Variants in PLEKHM3 observed in about 807,000 individuals in gnomAD.
PLEKHM3 encodes pleckstrin homology domain-containing family M member 3.
In PLEKHM3, 45 loss-of-function variants were observed where a neutral mutation model predicts 81.8. The observed-to-expected ratio is 0.55, with a 90% CI of 0.43 to 0.71. PLEKHM3 has a LOEUF of 0.71. PLEKHM3 is among the 30% of genes least tolerant of loss of function. The pLI, the probability that PLEKHM3 is intolerant of heterozygous loss-of-function variation, is 0.00. For missense variants in PLEKHM3, 788 were observed against 924.3 expected, an observed-to-expected ratio of 0.85 and a Z score of 1.91; for synonymous variants, 352 against 356.4, an observed-to-expected ratio of 0.99 and a Z score of 0.14.
chr2:207,865,803 G>A (rs2718662), intron 6 of PLEKHM3, among the ~76,000 whole-genome samples: 10,782 of 29,018 alleles, frequency 0.37, 3,030 homozygotes, highest in Middle Eastern at 0.46. Flanking sequence ...AAAAAAAAAA[G>A]ATATATATAT....
intron 1 of PLEKHM3, among the ~76,000 whole-genome samples, chr2:208,011,474 T>C (rs1045174656): frequency 1.3e-5 from 2 of 152,148 alleles, no homozygotes; most frequent in African/African-American, 2.4e-5. Flanking sequence ...CTGGATGGGA[T>C]TGGAGACTAC....
At chr2:207,856,124 G>A (rs2105803620) in intron 7 of PLEKHM3, among the ~76,000 whole-genome samples, 1 of 152,162 alleles carries the variant, frequency 6.6e-6, no homozygotes, top group South Asian at 2.1e-4. Flanking sequence ...AGAGTCAACT[G>A]TTCAGTTGAA....
In PLEKHM3 at chr2:207,889,434, AACACACACACACACAC is replaced by A. The variant is rs35082335; in HGVS notation, c.1950+19064_1950+19079del. Among the ~76,000 whole-genome samples, 237 of 129,242 alleles carry A rather than the reference AACACACACACACACAC, an allele frequency of 1.8e-3. 2 individuals carry two copies. The highest frequency in any genetic ancestry group is 2.2e-3 in the Admixed American group (27 of 12,402). The allele number at this position is 129,242 out of a possible 152,430, so 84.8% of individuals were successfully genotyped here. A position where few individuals can be genotyped will look rare whatever the true frequency, so the allele number is the denominator to read the frequency against. ...TAAGAGCAGACAGGAGGTTTTTTTC[AACACACACACACACAC>A]ACACACACACACACACACACACACA... On this transcript the variant is annotated intron_variant, in intron 6 of 7. Coordinates refer to ENST00000427836, the MANE Select transcript of PLEKHM3 (RefSeq NM_001080475.3).
At chr2:207,955,797 A>T (rs61656249) in intron 3 of PLEKHM3, among the ~76,000 whole-genome samples, 1,708 of 152,358 alleles carry the variant, frequency 0.011, 34 homozygotes, top group African/African-American at 0.039. Context: ...ATCAATTTAC[A>T]TAAAAGAACA....
At chr2:208,011,941 T>C (rs978978493) in intron 1 of PLEKHM3, among the ~76,000 whole-genome samples, 1 of 151,870 alleles carries the variant, frequency 6.6e-6, no homozygotes, top group Non-Finnish European at 1.5e-5. Context: ...GGATTACAGG[T>C]GTCCGCCACC....
chr2:207,847,750 G>A (rs1262459481), intron 7 of PLEKHM3, among the ~76,000 whole-genome samples: 1 of 152,218 alleles, frequency 6.6e-6, no homozygotes, highest in African/African-American at 2.4e-5. Flanking sequence ...CTACAGAGGA[G>A]CAGAAGTTTC....
At chr2:207,877,270 G>A (rs967892502) in intron 6 of PLEKHM3, among the ~76,000 whole-genome samples, 2 of 152,218 alleles carry the variant, frequency 1.3e-5, no homozygotes, top group Non-Finnish European at 2.9e-5. Flanking sequence ...GTTGAGGGCA[G>A]ACAGTCTGTG....
chr2:207,869,445 A>G (rs1311862913), intron 6 of PLEKHM3, among the ~76,000 whole-genome samples: 1 of 152,150 alleles, frequency 6.6e-6, no homozygotes, highest in African/African-American at 2.4e-5. Context: ...TGTCCAAAAT[A>G]GGGTGAAAGT....
At chr2:207,997,873 G>A (rs930154705) in intron 2 of PLEKHM3, among the ~76,000 whole-genome samples, 2 of 152,140 alleles carry the variant, frequency 1.3e-5, no homozygotes, top group African/African-American at 4.8e-5. Context: ...TATTCCTCAG[G>A]AGAAACAACG....
At chr2:207,894,798 A>G (rs1023543629) in intron 6 of PLEKHM3, among the ~76,000 whole-genome samples, 26 of 152,352 alleles carry the variant, frequency 1.7e-4, no homozygotes, top group Non-Finnish European at 3.2e-4. Flanking sequence ...TTGAAAAAAC[A>G]TAACAAAACA....
Position 207,837,761 on chromosome 2 carries a change from A to ATTTT in PLEKHM3, c.2109-9269_2109-9266dup, listed in dbSNP as rs1194861994. Among the ~76,000 whole-genome samples, 7 of 74,738 alleles carry ATTTT rather than the reference A, an allele frequency of 9.4e-5. 3 individuals carry two copies. Among genetic ancestry groups the ATTTT allele is most frequent in the African/African-American group, 1.0e-4 (2 of 19,418 alleles). 49.0% of individuals were successfully genotyped at this position (74,738 alleles called of 152,430 possible). A position where few individuals can be genotyped will look rare whatever the true frequency, so the allele number is the denominator to read the frequency against. ...GCCACGGCGCCTGGCCGGTTCTTCCATTTTTTTTTTTTTTTTTTTTTTTTT... is the reference window on the plus strand; with the variant it reads ...GCCACGGCGCCTGGCCGGTTCTTCCATTTTTTTTTTTTTTTTTTTTTTTTTTTTT... On this transcript the variant is annotated intron_variant, in intron 7 of 7. Transcript: ENST00000427836.
chr2:208,000,238 C>T (rs1448623796), intron 2 of PLEKHM3, among the ~76,000 whole-genome samples: 1 of 152,200 alleles, frequency 6.6e-6, no homozygotes, highest in Non-Finnish European at 1.5e-5. Context: ...CTTTGCTCTA[C>T]TTGCCAGGGT....
chr2:207,895,783 A>G (rs1319209325), intron 6 of PLEKHM3, among the ~76,000 whole-genome samples: 5 of 152,230 alleles, frequency 3.3e-5, no homozygotes. Flanking sequence ...TTTACTGGGC[A>G]TTATTTTAAC....
In PLEKHM3 at chr2:207,976,641, T is replaced by G. The variant is rs372186145; in HGVS notation, c.1546+10A>C. The G allele has an allele frequency of 1.2e-5, 20 of 1,606,554 alleles. No individual in the cohort carries two copies. The highest frequency in any genetic ancestry group is 2.7e-5 in the African/African-American group (2 of 74,728). ...TTTAATGAGCTATAGGCTGAAAATC[T>G]GCTTCATACCTGCACATTTGAAACT... On this transcript the variant is annotated intron_variant, in intron 3 of 7. Transcript: ENST00000427836. This position sits in a 1 kb window ranked among gnomAD's most constrained non-coding sequence, Gnocchi z 4.1.
At chr2:207,853,481 C>T (rs909340688) in intron 7 of PLEKHM3, among the ~76,000 whole-genome samples, 1 of 151,448 alleles carries the variant, frequency 6.6e-6, no homozygotes, top group Non-Finnish European at 1.5e-5. Context: ...CACCTATAAT[C>T]CCAGCACTTT....
intron 6 of PLEKHM3, among the ~76,000 whole-genome samples, chr2:207,881,872 G>T (rs1418030228): frequency 6.6e-6 from 1 of 152,136 alleles, no homozygotes; most frequent in Non-Finnish European, 1.5e-5. Flanking sequence ...CCTGGGGTCA[G>T]TCTGGCCTAC....
At chr2:207,994,495 C>CTT (rs1025235666) in intron 2 of PLEKHM3, among the ~76,000 whole-genome samples, 1 of 144,328 alleles carries the variant, frequency 6.9e-6, no homozygotes, top group Non-Finnish European at 1.5e-5. Context: ...ATCAGCCATT[C>CTT]TTTTTTTTTT....
intron 4 of PLEKHM3, among the ~76,000 whole-genome samples, chr2:207,936,490 T>C (rs1689754774): frequency 6.6e-6 from 1 of 152,196 alleles, no homozygotes; most frequent in Non-Finnish European, 1.5e-5. Flanking sequence ...TATTTGTTTC[T>C]AAGTTCATAA....
intron 1 of PLEKHM3, among the ~76,000 whole-genome samples, chr2:208,018,576 C>T (rs1350110896): frequency 6.6e-6 from 1 of 152,092 alleles, no homozygotes; most frequent in African/African-American, 2.4e-5. Context: ...TGCAATCACT[C>T]CAAATTAGCC....
Sources: gnomAD v4.1 joint callset for allele counts (sites outside exome capture counted in the v4.1 genomes callset) on GRCh38, gnomAD v4.1.1 for gene constraint, Gnocchi (gnomAD v3.1) non-coding constraint, MANE v1.5 for transcripts, NCBI Gene and HGNC (gene_info 2026-07-23, HGNC 2026-07-21) for gene names.